The following CWF19L2 variants were observed in gnomAD, a reference collection of about 807,000 sequenced individuals.
CWF19L2 encodes the protein CWF19 like cell cycle control factor 2, also known as CWF19-like protein 2.
Under a neutral mutation model 111.7 loss-of-function variants are expected in CWF19L2, and 98 were observed. That is an observed-to-expected ratio of 0.88 (90% CI 0.75 to 1.04). The LOEUF is 1.04. Ranked by LOEUF, CWF19L2 falls within the 50% of genes least tolerant of loss-of-function variation. CWF19L2 has a pLI of 0.00. For synonymous variants in CWF19L2, 351 were observed against 342.9 expected, an observed-to-expected ratio of 1.02 and a Z score of -0.26; for missense variants, 1,101 against 1,051.4, an observed-to-expected ratio of 1.05 and a Z score of -0.65.
chr11:107,391,081 C>T (rs1432134565), intron 11 of CWF19L2, among the ~76,000 whole-genome samples: 2 of 152,212 alleles, frequency 1.3e-5, no homozygotes, highest in African/African-American at 4.8e-5. Context: ...GGGCCTTCAG[C>T]CACAGACCGA....
intron 12 of CWF19L2, among the ~76,000 whole-genome samples, chr11:107,360,718 C>A (rs564381385): frequency 1.4e-4 from 22 of 152,250 alleles, no homozygotes; most frequent in African/African-American, 5.3e-4. Context: ...GGTTTTAATG[C>A]CCATTTTTCA....
At chr11:107,447,120 A>G (rs1861711891) in intron 3 of CWF19L2, among the ~76,000 whole-genome samples, 1 of 152,220 alleles carries the variant, frequency 6.6e-6, no homozygotes, top group African/African-American at 2.4e-5. Context: ...GCATCAAACT[A>G]GAAATACATA....
Position 107,353,512 on chromosome 11 carries a change from A to C in CWF19L2, c.2085+12T>G. The C allele has an allele frequency of 6.2e-7, 1 of 1,602,612 alleles. No homozygotes were observed. The highest frequency in any genetic ancestry group is 8.5e-7 in the Non-Finnish European group (1 of 1,170,378). ...ATGAGAATGTAAGCAAAGGATAATA[A>C]ATACTTCTTACCTTAACACCTATTG... On this transcript the variant is annotated intron_variant, in intron 13 of 17. Coordinates refer to ENST00000282251, the MANE Select transcript of CWF19L2 (RefSeq NM_152434.3).
At chr11:107,372,956 T>C (rs61646925) in intron 12 of CWF19L2, among the ~76,000 whole-genome samples, 13,255 of 107,204 alleles carry the variant, frequency 0.12, 2,363 homozygotes, top group African/African-American at 0.32. Context: ...ATTGCCTCAC[T>C]TGGGAAGTGC....
At chr11:107,382,882 G>T (rs1860712156) in intron 12 of CWF19L2, among the ~76,000 whole-genome samples, 1 of 152,096 alleles carries the variant, frequency 6.6e-6, no homozygotes, top group African/African-American at 2.4e-5. Flanking sequence ...CCCCAGAGAG[G>T]GTCACACCCT....
At chr11:107,361,867 G>C (rs577551900) in intron 12 of CWF19L2, among the ~76,000 whole-genome samples, 10 of 152,344 alleles carry the variant, frequency 6.6e-5, no homozygotes, top group African/African-American at 1.9e-4. Context: ...CTCCAAGCGT[G>C]AGAGACGCAG....
chr11:107,394,262 A>G (rs1398138776), intron 10 of CWF19L2, among the ~76,000 whole-genome samples: 1 of 152,204 alleles, frequency 6.6e-6, no homozygotes, highest in Non-Finnish European at 1.5e-5. Flanking sequence ...ATAAAAGATT[A>G]TCATTACTTT....
chr11:107,440,525 CTA>C (rs1313460113), intron 5 of CWF19L2, among the ~76,000 whole-genome samples: 1 of 152,068 alleles, frequency 6.6e-6, no homozygotes, highest in African/African-American at 2.4e-5. Context: ...CTTTCAATAT[CTA>C]TAGTCAAGGA....
chr11:107,422,313 C>T (rs1024504600), intron 8 of CWF19L2, among the ~76,000 whole-genome samples: 1 of 151,974 alleles, frequency 6.6e-6, no homozygotes, highest in Non-Finnish European at 1.5e-5. Flanking sequence ...TGGGTTCCAA[C>T]TTGAGTATGT....
At chr11:107,402,664 C>T (rs1861018045) in intron 10 of CWF19L2, among the ~76,000 whole-genome samples, 1 of 151,854 alleles carries the variant, frequency 6.6e-6, no homozygotes, top group Admixed American at 6.6e-5. Context: ...CTATGGAAAA[C>T]AGTGTGGAGA....
At chr11:107,379,330 G>A (rs1416767142) in intron 12 of CWF19L2, among the ~76,000 whole-genome samples, 2 of 151,106 alleles carry the variant, frequency 1.3e-5, no homozygotes, top group African/African-American at 2.5e-5. Flanking sequence ...CACAACTTAG[G>A]GTGAGAGGGG....
intron 12 of CWF19L2, among the ~76,000 whole-genome samples, chr11:107,387,869 C>T (rs903218759): frequency 9.9e-5 from 15 of 152,132 alleles, no homozygotes; most frequent in African/African-American, 3.4e-4. Context: ...CAGACCAGTA[C>T]CCATCCATGG....
chr11:107,379,903 C>CA (rs1312585748), intron 12 of CWF19L2, among the ~76,000 whole-genome samples: 4 of 151,058 alleles, frequency 2.6e-5, no homozygotes, highest in Non-Finnish European at 5.9e-5. Flanking sequence ...ACTAAAAATA[C>CA]AAAAAAAATT....
chr11:107,416,775 C>G (rs996522824), intron 9 of CWF19L2, among the ~76,000 whole-genome samples: 2 of 152,050 alleles, frequency 1.3e-5, no homozygotes, highest in African/African-American at 4.8e-5. Context: ...AAGCAATAAA[C>G]CATGAAGTAA....
chr11:107,337,368 TG>T (rs1467690832), intron 14 of CWF19L2, among the ~76,000 whole-genome samples: 31 of 2,124 alleles, frequency 0.015, no homozygotes, highest in African/African-American at 0.13. Context: ...GTGTGTGTTT[TG>T]TGTGTGTGTG....
At chr11:107,404,417 A>G (rs479411) in intron 10 of CWF19L2, 553,780 of 780,904 alleles carry the variant, frequency 0.71, 200,474 homozygotes, top group Non-Finnish European at 0.77. Context: ...TTTTGGAATT[A>G]TAGTACCAGA....
intron 10 of CWF19L2, among the ~76,000 whole-genome samples, chr11:107,405,306 A>C (rs185714816): frequency 1.4e-3 from 213 of 152,310 alleles, no homozygotes; most frequent in African/African-American, 4.0e-3. Flanking sequence ...TAAAATATTT[A>C]CTATTTGGTC....
At chr11:107,442,420 G>T (rs1293734328) in intron 4 of CWF19L2, among the ~76,000 whole-genome samples, 1 of 151,830 alleles carries the variant, frequency 6.6e-6, no homozygotes, top group African/African-American at 2.4e-5. Flanking sequence ...AGTGGCTCAC[G>T]TCTCTAATTC....
At chr11:107,405,733 G>T (rs1291769957) in intron 10 of CWF19L2, among the ~76,000 whole-genome samples, 1 of 151,768 alleles carries the variant, frequency 6.6e-6, no homozygotes, top group Non-Finnish European at 1.5e-5. Flanking sequence ...TTCATAGACT[G>T]CAGTACAAAG....
Sources: allele counts gnomAD v4.1 joint callset (sites outside exome capture counted in the v4.1 genomes callset), GRCh38; gene constraint gnomAD v4.1.1; transcripts MANE v1.5; gene names NCBI Gene and HGNC (gene_info 2026-07-23, HGNC 2026-07-21).